Variants in FAT3 observed in about 807,000 individuals in gnomAD.
FAT3 encodes the protein FAT atypical cadherin 3, also known as protocadherin Fat 3.
FAT3 carries 95 observed loss-of-function variants against 310.2 expected under a neutral mutation model. The observed-to-expected ratio is 0.31, with a 90% CI of 0.26 to 0.36. FAT3 has a LOEUF of 0.36. Among genes scored for constraint, FAT3 ranks in the 10% least tolerant of loss-of-function variants. FAT3 has a pLI of 1.00. For missense variants in FAT3, 5,408 were observed against 5,715.6 expected, an observed-to-expected ratio of 0.95 and a Z score of 1.74; for synonymous variants, 2,314 against 2,192.9, an observed-to-expected ratio of 1.06 and a Z score of -1.54.
chr11:92,588,192 T>C (rs1251018621), intron 3 of FAT3, among the ~76,000 whole-genome samples: 1 of 147,328 alleles, frequency 6.8e-6, no homozygotes, highest in Non-Finnish European at 1.5e-5. Context: ...GTCTCTTTTC[T>C]ACCATTTACC....
rs553029324 is a variant in FAT3, at chr11:92,383,169, C to T, written c.3292+27765C>T. Among the ~76,000 whole-genome samples the T allele has an allele frequency of 2.5e-3, 384 of 152,298 alleles. 2 individuals carry two copies. Among genetic ancestry groups the T allele is most frequent in the Non-Finnish European group, 4.6e-3 (312 of 68,028 alleles). On this transcript the variant is annotated intron_variant, in intron 2 of 27. Transcript: ENST00000525166. ...GATGTCCCTGCACAGGACATGATCT[C>T]GTTCCATTTTATGGCTGCATGGGAT... is the stretch of plus-strand genomic sequence containing the variant.
chr11:92,413,618 G>A (rs956085262), intron 2 of FAT3, among the ~76,000 whole-genome samples: 25 of 152,096 alleles, frequency 1.6e-4, no homozygotes, highest in Non-Finnish European at 2.9e-4. Flanking sequence ...GCTGGATCTT[G>A]CCATAAGAGG....
chr11:92,294,857 C>T (rs1386463454), intron 1 of FAT3, among the ~76,000 whole-genome samples: 1 of 152,050 alleles, frequency 6.6e-6, no homozygotes, highest in Non-Finnish European at 1.5e-5. Context: ...ATGCATTCCT[C>T]TCTGTTTCTC....
intron 4 of FAT3, among the ~76,000 whole-genome samples, chr11:92,720,749 G>A (rs1192949583): frequency 6.6e-6 from 1 of 152,118 alleles, no homozygotes; most frequent in Non-Finnish European, 1.5e-5. Flanking sequence ...GCAATTTGAA[G>A]TGTAGCCATC....
intron 1 of FAT3, among the ~76,000 whole-genome samples, chr11:92,350,427 A>G (rs1948533542): frequency 6.6e-6 from 1 of 151,948 alleles, no homozygotes; most frequent in African/African-American, 2.4e-5. Flanking sequence ...CCAAAAAGAT[A>G]TGCTGGGGGC....
chr11:92,891,161 G>A lies in FAT3; in HGVS notation c.*48G>A, dbSNP rs758395801. The A allele has an allele frequency of 5.0e-6, 8 of 1,590,822 alleles. No individual in the cohort carries two copies. In the African/African-American group the frequency reaches 6.7e-5, roughly 13 times the overall value. ...CCCTGTTTGTTACAGAAAAGTGGAA[G>A]CAGATTGGCTGGGCTTCTGTCCCAG... On this transcript the variant is annotated 3_prime_UTR_variant, in exon 28 of 28. Transcript: ENST00000525166.
chr11:92,383,668 A>C (rs905650454), intron 2 of FAT3, among the ~76,000 whole-genome samples: 1 of 151,820 alleles, frequency 6.6e-6, no homozygotes, highest in African/African-American at 2.4e-5. Context: ...TCCGTTTTAA[A>C]CCCCTTTCTT....
chr11:92,821,218 T>C (rs1947960676), intron 13 of FAT3, among the ~76,000 whole-genome samples: 1 of 152,150 alleles, frequency 6.6e-6, no homozygotes, highest in Non-Finnish European at 1.5e-5. Context: ...CAAAGAGACT[T>C]TCCCAAGATG....
chr11:92,571,551 G>T (rs1252546346), intron 3 of FAT3, among the ~76,000 whole-genome samples: 4 of 152,166 alleles, frequency 2.6e-5, no homozygotes, highest in Non-Finnish European at 4.4e-5. Flanking sequence ...ACTTCTCTTT[G>T]CAGTTTTTAC....
At chr11:92,521,780 A>G (rs1322217734) in intron 2 of FAT3, among the ~76,000 whole-genome samples, 1 of 152,194 alleles carries the variant, frequency 6.6e-6, no homozygotes, top group Non-Finnish European at 1.5e-5. Flanking sequence ...TTTATATTAT[A>G]GAGAATTTGA....
At chr11:92,304,474 G>A (rs572119316) in intron 1 of FAT3, among the ~76,000 whole-genome samples, 36 of 152,192 alleles carry the variant, frequency 2.4e-4, no homozygotes, top group African/African-American at 8.7e-4. Flanking sequence ...CCTCTGGAAT[G>A]AATACTCATC....
Position 92,843,956 on chromosome 11 carries a change from AG to A in FAT3, c.10590del (p.Gln3530HisfsTer59). 6.2e-7 allele frequency: 1 copy of A among 1,607,338 alleles called. No individual in the cohort carries two copies. The highest frequency in any genetic ancestry group is 8.5e-7 in the Non-Finnish European group (1 of 1,175,094). ...CVQAKDSGKP[Q>X]QVSHTYIRVR... ...TAGGCAAAGGATTCAGGCAAACCCC[AG>A]CAAGTTTCTCACACTTACATCCGCG... On this transcript the variant is annotated frameshift_variant, in exon 19 of 28. Coordinates refer to ENST00000525166, the MANE Select transcript of FAT3 (RefSeq NM_001367949.2). LOFTEE classifies it high-confidence loss of function.
In FAT3 at chr11:92,801,107, C is replaced by T. The variant is rs764187841; in HGVS notation, c.8094C>T (p.Val2698=). ...KHSLIPVYIH[V]LPPETFLPSF... ...CCCTCATTCCTGTCTATATCCACGT[C>T]TTGCCCCCTGAAACGTTCTTGCCAT... Residue 2698 remains valine, a synonymous_variant, in exon 10 of 28, where the codon GTC becomes GTT. Transcript: ENST00000525166. 5 of 1,613,880 alleles carry T rather than the reference C, an allele frequency of 3.1e-6. No individual in the cohort carries two copies. Among genetic ancestry groups the T allele is most frequent in the South Asian group, 1.1e-5 (1 of 91,088 alleles).
At chr11:92,484,142 C>T (rs1237191918) in intron 2 of FAT3, among the ~76,000 whole-genome samples, 1 of 152,206 alleles carries the variant, frequency 6.6e-6, no homozygotes, top group Non-Finnish European at 1.5e-5. Flanking sequence ...GGTATGTCTT[C>T]TTCTTGGCAT....
At chr11:92,436,457 A>G (rs955831763) in intron 2 of FAT3, among the ~76,000 whole-genome samples, 2 of 152,100 alleles carry the variant, frequency 1.3e-5, no homozygotes, top group Admixed American at 1.3e-4. Flanking sequence ...CTTTAGTTTG[A>G]TACCCAAAGT....
chr11:92,848,831 G>A (rs1398385679), intron 19 of FAT3, among the ~76,000 whole-genome samples: 1 of 152,226 alleles, frequency 6.6e-6, no homozygotes, highest in Non-Finnish European at 1.5e-5. Context: ...TGTATAAAGA[G>A]GAATCACTGG....
At position 92,352,544 on chromosome 11, in the gene FAT3, G is replaced by A; in HGVS notation, c.432G>A (p.Val144=). ...RGEDLEAWTK[V]NIQVLDMNDL... Reference sequence around the variant, plus strand: ...AGGATTTGGAAGCATGGACCAAAGTGAATATACAGGTTTTAGATATGAATG... The same window carrying A: ...AGGATTTGGAAGCATGGACCAAAGTAAATATACAGGTTTTAGATATGAATG... Residue 144 remains valine, a synonymous_variant, in exon 2 of 28, where the codon GTG becomes GTA. Transcript: ENST00000525166. 6.2e-7 allele frequency: 1 copy of A among 1,613,646 alleles called. No individual in the cohort carries two copies. Among genetic ancestry groups the A allele is most frequent in the South Asian group, 1.1e-5 (1 of 90,982 alleles).
chr11:92,618,379 C>A (rs1427940227), intron 3 of FAT3, among the ~76,000 whole-genome samples: 1 of 152,184 alleles, frequency 6.6e-6, no homozygotes, highest in African/African-American at 2.4e-5. Context: ...TACCATCTGT[C>A]ATGGCTTTCC....
At chr11:92,755,283 T>G (rs1401678940) in intron 4 of FAT3, among the ~76,000 whole-genome samples, 1 of 152,130 alleles carries the variant, frequency 6.6e-6, no homozygotes, top group African/African-American at 2.4e-5. Context: ...AGTGCAGTGG[T>G]GTGATCTTGG....
Sources: allele counts gnomAD v4.1 joint callset (sites outside exome capture counted in the v4.1 genomes callset), GRCh38; gene constraint gnomAD v4.1.1; transcripts MANE v1.5; gene names NCBI Gene and HGNC (gene_info 2026-07-23, HGNC 2026-07-21).